Variants in EFR3B observed in about 807,000 individuals in gnomAD.
EFR3B encodes protein EFR3 homolog B.
EFR3B carries 64 observed loss-of-function variants against 104.7 expected under a neutral mutation model. The observed-to-expected ratio is 0.61, with a 90% CI of 0.50 to 0.75. The LOEUF (loss-of-function observed/expected upper bound fraction) is 0.75, where lower values mean the gene tolerates loss of function less well. Among genes scored for constraint, EFR3B ranks in the 30% least tolerant of loss-of-function variants. The pLI is 0.00. For missense variants in EFR3B, 750 were observed against 1,078.5 expected (o/e 0.70, Z 4.27); for synonymous variants, 385 against 417.9 (o/e 0.92, Z 0.96).
rs976018759 is a variant in EFR3B at position 25,155,044 on chromosome 2, C to T, written c.*704C>T. 6.6e-6 allele frequency: 1 copy of T among 152,282 alleles called. No individual in the cohort carries two copies. The highest frequency in any genetic ancestry group is 6.5e-5 in the Admixed American group (1 of 15,286). 9.4% of individuals were successfully genotyped at this position (152,282 alleles called of 1,614,324 possible). A position where few individuals can be genotyped will look rare whatever the true frequency, so the allele number is the denominator to read the frequency against. ...GGTCCCTGCAGCAGCTTCCCACCTC[C>T]TTTGTTCATAAGGAGCTTGTGTTGG... On this transcript the variant is annotated 3_prime_UTR_variant, in exon 23 of 23. Coordinates refer to ENST00000403714, the MANE Select transcript of EFR3B (RefSeq NM_014971.2).
intron 1 of EFR3B, among the ~76,000 whole-genome samples, chr2:25,058,772 C>T (rs34932517): frequency 0.46 from 60,467 of 131,668 alleles, 16,861 homozygotes; most frequent in Middle Eastern, 0.62. Flanking sequence ...GCGCCCCCCC[C>T]CCCAAAAAAA....
intron 1 of EFR3B, among the ~76,000 whole-genome samples, chr2:25,078,335 T>C (rs1364209143): frequency 6.6e-6 from 1 of 152,258 alleles, no homozygotes; most frequent in Admixed American, 6.5e-5. Flanking sequence ...TCAGATTTTA[T>C]TGTAAATTGT....
chr2:25,135,742 T>C (rs767948195), intron 13 of EFR3B, 103 bp downstream of exon 13: 3 of 1,315,422 alleles, frequency 2.3e-6, no homozygotes, highest in South Asian at 1.4e-5. Context: ...CCCACCTCAG[T>C]ATCTGAGTAT....
intron 1 of EFR3B, among the ~76,000 whole-genome samples, chr2:25,048,716 A>G (rs1667786909): frequency 6.6e-6 from 1 of 152,224 alleles, no homozygotes; most frequent in Non-Finnish European, 1.5e-5. Flanking sequence ...ATTACTCATT[A>G]GTTTGTAGCA....
At position 25,130,383 on chromosome 2, in the gene EFR3B, C is replaced by T. The variant is rs1670295640; in HGVS notation, c.771-169C>T. 6.6e-6 allele frequency among the ~76,000 whole-genome samples: 1 copy of T among 152,220 alleles called. No homozygotes were observed. The highest frequency in any genetic ancestry group is 1.5e-5 in the Non-Finnish European group (1 of 68,046). ...AACTGCAGAGCGCTGTCCTTGGCCT[C>T]TCTCCAGCACTGGACTGGGACTACC... On this transcript the variant is annotated intron_variant, in intron 7 of 22. Transcript: ENST00000403714. The surrounding 1 kb of genome is among the most constrained non-coding windows in gnomAD (Gnocchi z 4.6).
intron 1 of EFR3B, among the ~76,000 whole-genome samples, chr2:25,048,527 A>T (rs1357066546): frequency 6.6e-6 from 1 of 152,194 alleles, no homozygotes; most frequent in African/African-American, 2.4e-5. Context: ...GAACTTCGGA[A>T]TTTTTCCCTA....
In EFR3B at chr2:25,154,006, C is replaced by T. The variant is rs938467900; in HGVS notation, c.2349-229C>T. 3.3e-5 allele frequency among the ~76,000 whole-genome samples: 5 copies of T among 152,020 alleles called. No homozygotes were observed. Among genetic ancestry groups the T allele is most frequent in the African/African-American group, 4.8e-5 (2 of 41,388 alleles). On this transcript the variant is annotated intron_variant, in intron 22 of 22. Coordinates refer to ENST00000403714, the MANE Select transcript of EFR3B (RefSeq NM_014971.2). This position sits in a 1 kb window ranked among gnomAD's most constrained non-coding sequence, Gnocchi z 4.1. ...GAAAGACGCAAGAGTCCTAGTGTTCCGGGCTGGCACTTTCTAAAGCAGCAG... is the reference window on the plus strand; with the variant it reads ...GAAAGACGCAAGAGTCCTAGTGTTCTGGGCTGGCACTTTCTAAAGCAGCAG...
chr2:25,098,632 T>C (rs746470189), intron 3 of EFR3B, among the ~76,000 whole-genome samples: 1 of 152,198 alleles, frequency 6.6e-6, no homozygotes, highest in African/African-American at 2.4e-5. Context: ...CTTCGAATTA[T>C]GTAAGATGCT....
chr2:25,112,431 G>C (rs567227774), intron 4 of EFR3B, among the ~76,000 whole-genome samples: 7 of 152,248 alleles, frequency 4.6e-5, no homozygotes, highest in East Asian at 1.9e-4. Flanking sequence ...AGTCTTGAAG[G>C]GGGGACTGTG....
At chr2:25,116,352 G>A (rs529343870) in intron 4 of EFR3B, among the ~76,000 whole-genome samples, 21 of 152,250 alleles carry the variant, frequency 1.4e-4, no homozygotes, top group South Asian at 4.1e-4. Flanking sequence ...GGCCAGGTGC[G>A]GTGGCTCATG....
intron 1 of EFR3B, chr2:25,081,505 T>G (rs1461983351): frequency 4.5e-6 from 6 of 1,323,120 alleles, no homozygotes; most frequent in Non-Finnish European, 5.4e-6. Context: ...TTGCAATAAT[T>G]CCATACTCAT....
intron 1 of EFR3B, among the ~76,000 whole-genome samples, chr2:25,051,577 C>G (rs1206220067): frequency 6.6e-6 from 1 of 151,736 alleles, no homozygotes; most frequent in African/African-American, 2.4e-5. Context: ...GTTTGTTTCC[C>G]CCAGTAAACT....
Position 25,042,850 on chromosome 2 carries a change from C to T in EFR3B, c.7+531C>T, listed in dbSNP as rs144351091. ...GGACTCGGCCTCTGCCTGCCCCTGC[C>T]GCCCCGCGGGATCCAGGTTCACCAA... On this transcript the variant is annotated intron_variant, in intron 1 of 22. Transcript: ENST00000403714. This position sits in a 1 kb window ranked among gnomAD's most constrained non-coding sequence, Gnocchi z 5.4. Among the ~76,000 whole-genome samples the T allele has an allele frequency of 6.6e-6, 1 of 152,178 alleles. No individual in the cohort carries two copies. The highest frequency in any genetic ancestry group is 2.1e-4 in the South Asian group (1 of 4,824).
intron 4 of EFR3B, among the ~76,000 whole-genome samples, chr2:25,119,066 G>A (rs571967301): frequency 8.5e-5 from 13 of 152,116 alleles, no homozygotes; most frequent in Admixed American, 3.9e-4. Context: ...TTTATTATTG[G>A]CCTCTTTTTT....
rs146773469 is a variant in EFR3B, at chr2:25,044,798, T to C, written c.7+2479T>C. On this transcript the variant is annotated intron_variant, in intron 1 of 22. Transcript: ENST00000403714. ...CTGTCCAGCTCTGGAGGATCTCCGT[T>C]TCCCATCCCTCCCCCTCCTCACCCT... is the stretch of plus-strand genomic sequence containing the variant. Among the ~76,000 whole-genome samples the C allele has an allele frequency of 5.4e-3, 823 of 152,184 alleles. 7 individuals are homozygous for C. The highest frequency in any genetic ancestry group is 0.019 in the African/African-American group (791 of 41,508).
At chr2:25,144,546 A>G (rs1050098347) in intron 18 of EFR3B, among the ~76,000 whole-genome samples, 2 of 152,140 alleles carry the variant, frequency 1.3e-5, no homozygotes, top group African/African-American at 4.8e-5. Context: ...TCCGTCTAAA[A>G]AAAAAACAAA....
intron 1 of EFR3B, among the ~76,000 whole-genome samples, chr2:25,089,166 T>C (rs1411833952): frequency 2.0e-5 from 3 of 152,128 alleles, no homozygotes; most frequent in Admixed American, 6.5e-5. Context: ...AAGAACTGAG[T>C]TGGTGTCCCC....
chr2:25,153,831 C>T (rs1315119776), intron 22 of EFR3B, 70 bp downstream of exon 22: 7 of 1,438,604 alleles, frequency 4.9e-6, no homozygotes, highest in Non-Finnish European at 6.7e-6. Context: ...ATCCTGAGTC[C>T]TCTCACCCCT....
intron 5 of EFR3B, among the ~76,000 whole-genome samples, chr2:25,124,415 C>T (rs950838536): frequency 1.3e-5 from 2 of 151,622 alleles, no homozygotes; most frequent in African/African-American, 4.8e-5. Flanking sequence ...ATGGGTAGAT[C>T]TCCACTGTGC....
Sources: allele counts gnomAD v4.1 joint callset (sites outside exome capture counted in the v4.1 genomes callset), GRCh38; gene constraint gnomAD v4.1.1; non-coding constraint Gnocchi (gnomAD v3.1); transcripts MANE v1.5; gene names NCBI Gene and HGNC (gene_info 2026-07-23, HGNC 2026-07-21).